The following RAB35 variants were observed in gnomAD, a reference collection of about 807,000 sequenced individuals.
RAB35 encodes RAB35, member RAS oncogene family.
RAB35 carries 4 observed loss-of-function variants against 28.9 expected under a neutral mutation model. The ratio of observed to expected loss-of-function variants is 0.14; its 90% CI spans 0.07 to 0.32. The LOEUF is 0.32. Ranked by LOEUF, RAB35 falls within the 10% of genes least tolerant of loss-of-function variation. The pLI is 1.00. For missense variants in RAB35, 128 were observed against 274.0 expected, an observed-to-expected ratio of 0.47 and a Z score of 3.76; for synonymous variants, 99 against 105.1, an observed-to-expected ratio of 0.94 and a Z score of 0.35.
chr12:120,103,953 C>CA lies in RAB35; in HGVS notation c.104-5dup, dbSNP rs1491554903. Reference sequence around the variant, plus strand: ...CCGATCGTGGTGATGTAGCTGCCTGCACACACAGGGCAGTTAACGAGGCCC... The same window carrying CA: ...CCGATCGTGGTGATGTAGCTGCCTGCAACACACAGGGCAGTTAACGAGGCCC... On this transcript the variant is annotated splice_polypyrimidine_tract_variant and splice_region_variant and intron_variant, in intron 2 of 5. Transcript: ENST00000229340. This position sits in a 1 kb window ranked among gnomAD's most constrained non-coding sequence, Gnocchi z 6.1. 1 of 1,613,870 alleles carries CA rather than the reference C, an allele frequency of 6.2e-7. No homozygotes were observed. Among genetic ancestry groups the CA allele is most frequent in the Admixed American group, 1.7e-5 (1 of 60,004 alleles).
intron 1 of RAB35, among the ~76,000 whole-genome samples, chr12:120,109,864 C>T (rs1186646197): frequency 1.3e-5 from 2 of 152,100 alleles, no homozygotes; most frequent in South Asian, 2.1e-4. Flanking sequence ...GTTCCATGTC[C>T]TCCTATCCTG....
At position 120,110,290 on chromosome 12, in the gene RAB35, A is replaced by ATTTTTTTTTTTTTTTTTTTTTTTTTTT. The variant is rs3999541; in HGVS notation, c.53-1824_53-1823insAAAAAAAAAAAAAAAAAAAAAAAAAAA. Among the ~76,000 whole-genome samples the ATTTTTTTTTTTTTTTTTTTTTTTTTTT allele has an allele frequency of 1.4e-3, 125 of 88,556 alleles. 28 individuals carry two copies. Among genetic ancestry groups the ATTTTTTTTTTTTTTTTTTTTTTTTTTT allele is most frequent in the African/African-American group, 3.9e-3 (78 of 20,044 alleles). 58.1% of individuals were successfully genotyped at this position (88,556 alleles called of 152,430 possible). ...TCTGTTCATGGGAGAAGCCCACAGC[A>ATTTTTTTTTTTTTTTTTTTTTTTTTTT]TTTTTTTTTTTTTTGGAGAGATAGG... On this transcript the variant is annotated intron_variant, in intron 1 of 5. Coordinates refer to ENST00000229340, the MANE Select transcript of RAB35 (RefSeq NM_006861.7).
chr12:120,099,644 C>CA (rs1268004231), intron 3 of RAB35, among the ~76,000 whole-genome samples: 1 of 152,206 alleles, frequency 6.6e-6, no homozygotes, highest in Non-Finnish European at 1.5e-5. Context: ...GGCAGGTAGG[C>CA]ACCTCCCTTC....
chr12:120,103,731 A>T lies in RAB35; in HGVS notation c.227+95T>A. The T allele has an allele frequency of 6.5e-7, 1 of 1,541,416 alleles. No individual in the cohort carries two copies. ...CACTTCCCGACAGCCTCAGGGACCC[A>T]CCAGTGACATTTCCACCATGACCAG... On this transcript the variant is annotated intron_variant, in intron 3 of 5. Transcript: ENST00000229340. This position sits in a 1 kb window ranked among gnomAD's most constrained non-coding sequence, Gnocchi z 6.1.
chr12:120,096,355 G>C lies in RAB35; in HGVS notation c.*890C>G. On this transcript the variant is annotated 3_prime_UTR_variant, in exon 6 of 6. Coordinates refer to ENST00000229340, the MANE Select transcript of RAB35 (RefSeq NM_006861.7). ...TGCTGCTGTGCCAATCAAACCTCAG[G>C]GAAAGAAAATAATTGTGAGGAATTT... 8.5e-7 allele frequency: 1 copy of C among 1,182,730 alleles called. No individual in the cohort carries two copies. Among genetic ancestry groups the C allele is most frequent in the Non-Finnish European group, 1.1e-6 (1 of 917,548 alleles). The allele number at this position is 1,182,730 out of a possible 1,614,324, so 73.3% of individuals were successfully genotyped here. A position where few individuals can be genotyped will look rare whatever the true frequency, so the allele number is the denominator to read the frequency against.
At chr12:120,100,049 T>C (rs1379940876) in intron 3 of RAB35, among the ~76,000 whole-genome samples, 1 of 152,160 alleles carries the variant, frequency 6.6e-6, no homozygotes, top group East Asian at 1.9e-4. Context: ...AGACAAACCA[T>C]GAGTGGACAG....
rs1394923156 is a variant in RAB35 at position 120,097,299 on chromosome 12, CT to C, written c.551del (p.Gln184ArgfsTer5). On this transcript the variant is annotated frameshift_variant, in exon 6 of 6. Coordinates refer to ENST00000229340, the MANE Select transcript of RAB35 (RefSeq NM_006861.7). LOFTEE classifies it high-confidence loss of function. ...DNLAKQQQQQ[Q>X]NDVVKLTKNS... The stretch of plus-strand genomic sequence containing the variant: ...TCTTCGTGAGCTTCACCACATCGTT[CT>C]GTTGTTGCTGCTGCTGTTTTGCCAG... 6.2e-7 allele frequency: 1 copy of C among 1,613,836 alleles called. No individual in the cohort carries two copies. Among genetic ancestry groups the C allele is most frequent in the East Asian group, 2.2e-5 (1 of 44,888 alleles).
At chr12:120,112,666 G>A (rs907321485) in intron 1 of RAB35, among the ~76,000 whole-genome samples, 1 of 150,796 alleles carries the variant, frequency 6.6e-6, no homozygotes, top group Non-Finnish European at 1.5e-5. Context: ...TTGGGCTCAA[G>A]TGATCCTCCA....
At chr12:120,100,917 C>A (rs1875632415) in intron 3 of RAB35, among the ~76,000 whole-genome samples, 1 of 152,222 alleles carries the variant, frequency 6.6e-6, no homozygotes, top group Admixed American at 6.5e-5. Context: ...CCCCTGCCAG[C>A]AGAGGAAGCC....
chr12:120,112,433 A>AT lies in RAB35; in HGVS notation c.53-3967dup, dbSNP rs139962625. 8.2e-3 allele frequency among the ~76,000 whole-genome samples: 1,169 copies of AT among 141,740 alleles called. 7 individuals carry two copies. The highest frequency in any genetic ancestry group is 0.019 in the African/African-American group (729 of 38,586). 93.0% of individuals were successfully genotyped at this position (141,740 alleles called of 152,430 possible). On this transcript the variant is annotated intron_variant, in intron 1 of 5. Transcript: ENST00000229340. ...GACCTTTCAGTGAACTGTTCTCGAT[A>AT]TTTTTTTTTTTTTTTGAAACAGGAT...
At chr12:120,109,004 T>A (rs1876005599) in intron 1 of RAB35, among the ~76,000 whole-genome samples, 2 of 152,234 alleles carry the variant, frequency 1.3e-5, no homozygotes, top group Non-Finnish European at 2.9e-5. Context: ...CTGGCTGATG[T>A]CCCCGCCGGG....
intron 1 of RAB35, among the ~76,000 whole-genome samples, chr12:120,110,013 T>G (rs1051829953): frequency 6.6e-5 from 10 of 152,172 alleles, no homozygotes; most frequent in African/African-American, 2.4e-4. Context: ...ATGAGGAACC[T>G]CAGGCCCAGA....
chr12:120,108,835 G>A (rs1033315952), intron 1 of RAB35: 5 of 398,588 alleles, frequency 1.3e-5, no homozygotes, highest in Non-Finnish European at 2.4e-5. Flanking sequence ...CTACAACATG[G>A]TCCCTAGAAA....
At chr12:120,107,727 C>T (rs556971186) in intron 2 of RAB35, among the ~76,000 whole-genome samples, 17 of 151,562 alleles carry the variant, frequency 1.1e-4, no homozygotes, top group Non-Finnish European at 2.2e-4. Context: ...ATTAGTCGGG[C>T]GTGGTGGCAG....
intron 3 of RAB35, among the ~76,000 whole-genome samples, chr12:120,099,859 C>A (rs1315032872): frequency 6.6e-6 from 1 of 151,532 alleles, no homozygotes; most frequent in Non-Finnish European, 1.5e-5. Context: ...TGGCACAGGA[C>A]GACATCAATC....
intron 3 of RAB35, among the ~76,000 whole-genome samples, chr12:120,101,809 T>C (rs1231354735): frequency 6.6e-6 from 1 of 152,194 alleles, no homozygotes; most frequent in Admixed American, 6.5e-5. Context: ...AAAACCCATG[T>C]TGCTCCCAGG....
chr12:120,114,902 C>G (rs1302120217), intron 1 of RAB35, among the ~76,000 whole-genome samples: 2 of 152,156 alleles, frequency 1.3e-5, no homozygotes, highest in African/African-American at 4.8e-5. Flanking sequence ...CTGACCACGG[C>G]GGGCTGTCAC....
Position 120,116,682 on chromosome 12 carries a change from G to T in RAB35, c.-32C>A. ...CGGGGGCGGTGCGCGCGGGCGGGCG[G>T]GGTCGGTACTGGCCTCGCGATCCGC... On this transcript the variant is annotated 5_prime_UTR_variant, in exon 1 of 6. Coordinates refer to ENST00000229340, the MANE Select transcript of RAB35 (RefSeq NM_006861.7). The T allele has an allele frequency of 8.2e-7, 1 of 1,223,134 alleles. No individual in the cohort carries two copies. The highest frequency in any genetic ancestry group is 1.0e-6 in the Non-Finnish European group (1 of 982,326). The allele number at this position is 1,223,134 out of a possible 1,614,324, so 75.8% of individuals were successfully genotyped here. A position where few individuals can be genotyped will look rare whatever the true frequency, so the allele number is the denominator to read the frequency against.
At chr12:120,099,510 A>G (rs762888992) in intron 3 of RAB35, 9 of 317,078 alleles carry the variant, frequency 2.8e-5, no homozygotes, top group Admixed American at 4.7e-5. Context: ...TTTGTATTTG[A>G]CATCATGTTA....
Sources: allele counts gnomAD v4.1 joint callset (sites outside exome capture counted in the v4.1 genomes callset), GRCh38; gene constraint gnomAD v4.1.1; non-coding constraint Gnocchi (gnomAD v3.1); transcripts MANE v1.5; gene names NCBI Gene and HGNC (gene_info 2026-07-23, HGNC 2026-07-21).